NBPF26: variants seen among roughly 807,000 people sequenced by gnomAD.
NBPF26 encodes the protein NBPF member 26, also known as NBPF family member NBPF26.
Under a neutral mutation model 119.6 loss-of-function variants are expected in NBPF26, and 79 were observed. That is an observed-to-expected ratio of 0.66 (90% CI 0.55 to 0.80). The LOEUF (loss-of-function observed/expected upper bound fraction) is 0.80, where lower values mean the gene tolerates loss of function less well. Ranked by LOEUF, NBPF26 falls within the 30% of genes least tolerant of loss-of-function variation. The pLI is 0.00. For synonymous variants in NBPF26, 299 were observed against 457.7 expected (o/e 0.65, Z 4.43); for missense variants, 800 against 1,198.2 (o/e 0.67, Z 4.91).
Position 120,805,806 on chromosome 1 carries a change from T to G in NBPF26, c.961+41T>G. The G allele has an allele frequency of 5.5e-6, 7 of 1,272,034 alleles. 2 individuals carry two copies. Among genetic ancestry groups the G allele is most frequent in the Non-Finnish European group, 5.4e-6 (5 of 922,328 alleles). 78.8% of individuals were successfully genotyped at this position (1,272,034 alleles called of 1,614,324 possible). ...TCACCATCATGAAAGTGATGAATGA[T>G]ATCCTGTCTTCTCTCTGAGACACTA... On this transcript the variant is annotated intron_variant, in intron 5 of 29. Coordinates refer to ENST00000620612, the Ensembl canonical transcript of NBPF26.
At chr1:120,792,981 G>GA (rs1289600527) in intron 3 of NBPF26, among the ~76,000 whole-genome samples, 180 bp from the exon 4 acceptor site, 1 of 87,102 alleles carries the variant, frequency 1.1e-5, no homozygotes, top group African/African-American at 8.5e-5. Context: ...GGTCCTTGGA[G>GA]AGTTACTGGA....
Position 120,806,725 on chromosome 1 carries a change from A to T in NBPF26, c.962-882A>T, listed in dbSNP as rs1337346979. On this transcript the variant is annotated intron_variant, in intron 5 of 29. Transcript: ENST00000620612. ...AGAGGAAGAAAGATCACACCCGAGA[A>T]TGTGTGGAAGCAGCAGTGCAGTGTG... Among the ~76,000 whole-genome samples the T allele has an allele frequency of 4.9e-5, 6 of 121,364 alleles. 2 individuals are homozygous for T. Among genetic ancestry groups the T allele is most frequent in the African/African-American group, 2.4e-4 (6 of 24,792 alleles). The allele number at this position is 121,364 out of a possible 152,430, so 79.6% of individuals were successfully genotyped here. A position where few individuals can be genotyped will look rare whatever the true frequency, so the allele number is the denominator to read the frequency against.
At chr1:120,812,886 G>A (rs1372666361) in intron 10 of NBPF26, among the ~76,000 whole-genome samples, 1 of 111,898 alleles carries the variant, frequency 8.9e-6, no homozygotes, top group African/African-American at 5.0e-5. Flanking sequence ...TTTTGCCATT[G>A]CACTCCAGCC....
At chr1:120,813,121 G>T (rs1339438600) in intron 10 of NBPF26, among the ~76,000 whole-genome samples, 5 of 118,860 alleles carry the variant, frequency 4.2e-5, no homozygotes, top group Non-Finnish European at 8.3e-5. Context: ...TGTCTCCTGG[G>T]CTCCATCCAA....
intron 3 of NBPF26, among the ~76,000 whole-genome samples, chr1:120,790,298 G>A (rs1273976497): frequency 9.0e-6 from 1 of 111,620 alleles, no homozygotes; most frequent in Admixed American, 8.6e-5. Flanking sequence ...ACAGGTGTGA[G>A]CCACCACACC....
At chr1:120,813,235 T>G (rs1287945734) in intron 10 of NBPF26, among the ~76,000 whole-genome samples, 1 of 123,438 alleles carries the variant, frequency 8.1e-6, no homozygotes, top group Non-Finnish European at 1.6e-5. Flanking sequence ...AGCTATTTCT[T>G]GTCAATCTCC....
At chr1:120,778,610 T>TTTA (rs1349087640) in intron 2 of NBPF26, among the ~76,000 whole-genome samples, 3 of 37,922 alleles carry the variant, frequency 7.9e-5, no homozygotes, top group African/African-American at 2.8e-4. Flanking sequence ...ATCCTCGTTT[T>TTTA]AAAAAAAAAA....
In NBPF26 at chr1:120,793,447, C is replaced by T; in HGVS notation, c.702C>T (p.Gly234=). The change falls in exon 4 of 30, where the codon GGC becomes GGT. Residue 234 remains glycine, a synonymous_variant. Transcript: ENST00000620612. ...CACACTCGCCTTGTGTCAATGGAGG[C>T]ACCTGTCGGCAGACTGGTGACTTCA... 2.1e-6 allele frequency: 3 copies of T among 1,438,692 alleles called. 1 individual carries two copies. In the South Asian group the frequency reaches 3.6e-5, roughly 17 times the overall value. 89.1% of individuals were successfully genotyped at this position (1,438,692 alleles called of 1,614,324 possible).
Position 120,823,353 on chromosome 1 carries a change from G to C in NBPF26, c.2632G>C (p.Gly878Arg). Residue 878 changes from glycine to arginine, a missense_variant, in exon 17 of 30, where the codon GGT becomes CGT. Gly to Arg is a moderately radical substitution (Grantham distance 125, BLOSUM62 -2). Coordinates refer to ENST00000620612, the Ensembl canonical transcript of NBPF26. ...GAAAAAGGAGGACCACGAGGCAACA[G>C]GTCCCAGGTGAGTCTGAGAAATTGT... 7 of 1,413,544 alleles carry C rather than the reference G, an allele frequency of 5.0e-6. 2 individuals are homozygous for C. In the South Asian group the frequency reaches 7.2e-5, roughly 15 times the overall value. The allele number at this position is 1,413,544 out of a possible 1,614,324, so 87.6% of individuals were successfully genotyped here.
chr1:120,728,018 CAG>C (rs1472344500), intron 1 of NBPF26, among the ~76,000 whole-genome samples: 1 of 118,934 alleles, frequency 8.4e-6, no homozygotes, highest in Non-Finnish European at 1.6e-5. Flanking sequence ...TTCATGGTCA[CAG>C]AGCCAATTAG....
intron 1 of NBPF26, among the ~76,000 whole-genome samples, chr1:120,729,412 TAGAA>T (rs1650850750): frequency 9.4e-6 from 1 of 106,654 alleles, no homozygotes; most frequent in Non-Finnish European, 1.8e-5. Flanking sequence ...CTCTAATTCT[TAGAA>T]AGATCTTCTT....
intron 4 of NBPF26, among the ~76,000 whole-genome samples, chr1:120,801,826 CAAAAAAAAAAAAA>C (rs1168359637): frequency 2.2e-4 from 2 of 9,080 alleles, no homozygotes; most frequent in Admixed American, 2.1e-3. Flanking sequence ...GACCCTGTCT[CAAAAAAAAAAAAA>C]AAAAAAAAAA....
chr1:120,793,534 A>G, intron 4 of NBPF26, 38 bp downstream of exon 4: 2 of 1,098,382 alleles, frequency 1.8e-6, no homozygotes, highest in South Asian at 2.7e-5. Context: ...TAGGGGACAA[A>G]CCCCTAGCAC....
chr1:120,815,479 G>T (rs1308220551), intron 12 of NBPF26, among the ~76,000 whole-genome samples: 3 of 98,542 alleles, frequency 3.0e-5, no homozygotes, highest in Non-Finnish European at 5.6e-5. Context: ...TCTTGCAAGT[G>T]TCTGAAGCAT....
Position 120,815,460 on chromosome 1 carries a change from C to G in NBPF26, c.2092+417C>G, listed in dbSNP as rs1455814842. Among the ~76,000 whole-genome samples, 527 of 104,680 alleles carry G rather than the reference C, an allele frequency of 5.0e-3. 128 individuals are homozygous for G. Among genetic ancestry groups the G allele is most frequent in the Admixed American group, 0.016 (179 of 11,014 alleles). The allele number at this position is 104,680 out of a possible 152,430, so 68.7% of individuals were successfully genotyped here. A position where few individuals can be genotyped will look rare whatever the true frequency, so the allele number is the denominator to read the frequency against. ...TGAGTTTCTCTCTCTCCGTGGCAGACAAATTGTCTCTTGCAAGTGTCTGAA... is the reference window on the plus strand; with the variant it reads ...TGAGTTTCTCTCTCTCCGTGGCAGAGAAATTGTCTCTTGCAAGTGTCTGAA... On this transcript the variant is annotated intron_variant, in intron 12 of 29. Coordinates refer to ENST00000620612, the Ensembl canonical transcript of NBPF26.
rs1553272418 is a variant in NBPF26, at chr1:120,824,022, C to G, written c.2688C>G (p.Asp896Glu). ...AGAAAGGGCCTGAAGTCTTGCAGGA[C>G]TCACTGGATAGATGTTATTCAACTC... The change falls in exon 18 of 30, where the codon GAC becomes GAG. Residue 896 changes from aspartate to glutamate, a missense_variant. Coordinates refer to ENST00000620612, the Ensembl canonical transcript of NBPF26. 4.7e-5 allele frequency: 32 copies of G among 685,552 alleles called. 5 individuals carry two copies. The highest frequency in any genetic ancestry group is 2.4e-4 in the Admixed American group (10 of 42,258). The allele number at this position is 685,552 out of a possible 1,614,324, so 42.5% of individuals were successfully genotyped here.
chr1:120,758,137 G>A (rs2101395920), intron 1 of NBPF26, among the ~76,000 whole-genome samples: 1 of 124,422 alleles, frequency 8.0e-6, no homozygotes, highest in East Asian at 2.0e-4. Flanking sequence ...GATCTGTTCA[G>A]GAAAGAGGGC....
chr1:120,770,211 C>A (rs1651246701), intron 2 of NBPF26, among the ~76,000 whole-genome samples: 1 of 99,280 alleles, frequency 1.0e-5, no homozygotes, highest in South Asian at 3.0e-4. Context: ...GCTCTGTGGC[C>A]CAGGCTGGAG....
At position 120,754,317 on chromosome 1, in the gene NBPF26, C is replaced by T. The variant is rs1651056815; in HGVS notation, c.74-9311C>T. On this transcript the variant is annotated intron_variant, in intron 1 of 29. Coordinates refer to ENST00000620612, the Ensembl canonical transcript of NBPF26. ...AGATAGTGGAACAGAACAGATAATA[C>T]AAGATGTAAGACAAGACATGGAATA... 1.5e-4 allele frequency among the ~76,000 whole-genome samples: 5 copies of T among 34,160 alleles called. 2 individuals are homozygous for T. The South Asian group carries it at 2.4e-3, about 17-fold the overall frequency. 22.4% of individuals were successfully genotyped at this position (34,160 alleles called of 152,430 possible). A position where few individuals can be genotyped will look rare whatever the true frequency, so the allele number is the denominator to read the frequency against.
Sources: gnomAD v4.1 joint callset for allele counts (sites outside exome capture counted in the v4.1 genomes callset) on GRCh38, gnomAD v4.1.1 for gene constraint, MANE v1.5 for transcripts, NCBI Gene and HGNC (gene_info 2026-07-23, HGNC 2026-07-21) for gene names.